Variants in FCER1G observed in about 807,000 individuals in gnomAD.
The protein encoded by FCER1G is Fc epsilon receptor Ig, also known as high affinity immunoglobulin epsilon receptor subunit gamma.
A neutral mutation model predicts 17.3 loss-of-function variants in FCER1G; 7 were observed. The ratio of observed to expected loss-of-function variants is 0.40; its 90% CI spans 0.23 to 0.76. The LOEUF (loss-of-function observed/expected upper bound fraction) is 0.76, where lower values mean the gene tolerates loss of function less well. Among genes scored for constraint, FCER1G ranks in the 30% least tolerant of loss-of-function variants. FCER1G has a pLI of 0.35. For synonymous variants in FCER1G, 35 were observed against 38.7 expected (o/e 0.90, Z 0.35); for missense variants, 87 against 97.7 (o/e 0.89, Z 0.46).
intron 1 of FCER1G, among the ~76,000 whole-genome samples, chr1:161,216,983 T>A (rs1666066262): frequency 6.6e-6 from 1 of 152,200 alleles, no homozygotes; most frequent in Non-Finnish European, 1.5e-5. Flanking sequence ...CTCTGTCACT[T>A]AACTCTGTGG....
intron 1 of FCER1G, among the ~76,000 whole-genome samples, chr1:161,217,097 C>T (rs1296615536): frequency 6.6e-6 from 1 of 152,174 alleles, no homozygotes; most frequent in South Asian, 2.1e-4. Flanking sequence ...TGTGCAATAT[C>T]GTGTGTGTGA....
intron 3 of FCER1G, 107 bp downstream of exon 3, chr1:161,218,383 T>C (rs879296967): frequency 1.2e-4 from 111 of 932,398 alleles, no homozygotes; most frequent in Non-Finnish European, 9.8e-5. Context: ...TCTCAGGTGC[T>C]GATCTGCATA....
chr1:161,217,951 A>C (rs1449930983), intron 1 of FCER1G, 35 bp from the exon 2 acceptor site: 23 of 1,426,358 alleles, frequency 1.6e-5, no homozygotes, highest in Admixed American at 3.4e-5. Context: ...CCTCCCTGAT[A>C]CCCCCGACCC....
chr1:161,219,156 C>G lies in FCER1G; in HGVS notation c.*213C>G. 3 of 571,808 alleles carry G rather than the reference C, an allele frequency of 5.2e-6. No homozygotes were observed. The South Asian group carries it at 6.6e-5, about 13-fold the overall frequency. The allele number at this position is 571,808 out of a possible 1,614,324, so 35.4% of individuals were successfully genotyped here. On this transcript the variant is annotated 3_prime_UTR_variant, in exon 5 of 5. Transcript: ENST00000289902. ...CGGATATTTATATTCTAGTCTCACT[C>G]TCTTGTCCCACCCTTCTTCTCTTCC...
Position 161,216,411 on chromosome 1 carries a change from C to CACAT in FCER1G, c.49+1042_49+1043insCATA, listed in dbSNP as rs1491150470. The stretch of plus-strand genomic sequence containing the variant: ...ACACACACACACACACACACACACA[C>CACAT]ATATATATATATATATAGAGAGAGA... On this transcript the variant is annotated intron_variant, in intron 1 of 4. Coordinates refer to ENST00000289902, the MANE Select transcript of FCER1G (RefSeq NM_004106.2). Among the ~76,000 whole-genome samples, 324 of 129,762 alleles carry CACAT rather than the reference C, an allele frequency of 2.5e-3. 1 individual carries two copies. Among genetic ancestry groups the CACAT allele is most frequent in the African/African-American group, 6.9e-3 (235 of 33,886 alleles). 85.1% of individuals were successfully genotyped at this position (129,762 alleles called of 152,430 possible).
rs1666038270 is a variant in FCER1G, at chr1:161,216,129, G to T, written c.49+759G>T. Among the ~76,000 whole-genome samples, 4 of 151,928 alleles carry T rather than the reference G, an allele frequency of 2.6e-5. No homozygotes were observed. In the South Asian group the frequency reaches 8.3e-4, roughly 32 times the overall value. Reference sequence around the variant, plus strand: ...GAGCATTTCCCATGGGGTGCCTTTGGTCTTGTCTGCTGGGAGCTGATCTCT... The same window carrying T: ...GAGCATTTCCCATGGGGTGCCTTTGTTCTTGTCTGCTGGGAGCTGATCTCT... On this transcript the variant is annotated intron_variant, in intron 1 of 4. Transcript: ENST00000289902.
Position 161,218,926 on chromosome 1 carries a change from G to A in FCER1G, c.244G>A (p.Glu82Lys). 3 of 1,613,664 alleles carry A rather than the reference G, an allele frequency of 1.9e-6. No homozygotes were observed. The highest frequency in any genetic ancestry group is 2.5e-6 in the Non-Finnish European group (3 of 1,179,572). ...GGAGACTTACGAGACTCTGAAGCAT[G>A]AGAAACCACCACAGTAGCTTTAGAA... ...NQETYETLKHEKPPQ is the reference protein window; with the variant it reads ...NQETYETLKHKKPPQ Residue 82 changes from glutamate (E) to lysine (K), a missense_variant, in exon 5 of 5, where the codon GAG becomes AAG. By Grantham distance (56) the Glu-to-Lys change is moderately conservative (BLOSUM62 1). Coordinates refer to ENST00000289902, the MANE Select transcript of FCER1G (RefSeq NM_004106.2).
intron 1 of FCER1G, among the ~76,000 whole-genome samples, chr1:161,216,278 C>T (rs1283679364): frequency 6.6e-6 from 1 of 150,736 alleles, no homozygotes; most frequent in Non-Finnish European, 1.5e-5. Context: ...CACCACTGCA[C>T]TCTAGCCTGG....
At position 161,219,150 on chromosome 1, in the gene FCER1G, C is replaced by A. The variant is rs560632071; in HGVS notation, c.*207C>A. On this transcript the variant is annotated 3_prime_UTR_variant, in exon 5 of 5. Coordinates refer to ENST00000289902, the MANE Select transcript of FCER1G (RefSeq NM_004106.2). ...TGTTTACGGATATTTATATTCTAGT[C>A]TCACTCTCTTGTCCCACCCTTCTTC... 2.6e-5 allele frequency: 15 copies of A among 579,820 alleles called. No homozygotes were observed. The highest frequency in any genetic ancestry group is 4.3e-5 in the Non-Finnish European group (14 of 326,172). The allele number at this position is 579,820 out of a possible 1,614,324, so 35.9% of individuals were successfully genotyped here.
chr1:161,218,658 G>A, intron 3 of FCER1G, 45 bp from the exon 4 acceptor site: 1 of 1,612,550 alleles, frequency 6.2e-7, no homozygotes, highest in Non-Finnish European at 8.5e-7. Context: ...AGGGGCCCTG[G>A]AGAAAGTGTG....
rs1553250803 is a variant in FCER1G at position 161,216,427 on chromosome 1, T to TATATAGAG, written c.49+1058_49+1059insTATAGAGA. Reference sequence around the variant, plus strand: ...ACACACACACATATATATATATATATAGAGAGAGAGAGAGAGAGAGAGATA... The same window carrying TATATAGAG: ...ACACACACACATATATATATATATATATATAGAGAGAGAGAGAGAGAGAGAGAGAGATA... On this transcript the variant is annotated intron_variant, in intron 1 of 4. Transcript: ENST00000289902. Among the ~76,000 whole-genome samples, 34 of 136,138 alleles carry TATATAGAG rather than the reference T, an allele frequency of 2.5e-4. No individual in the cohort carries two copies. The South Asian group carries it at 4.5e-3, about 18-fold the overall frequency. The allele number at this position is 136,138 out of a possible 152,430, so 89.3% of individuals were successfully genotyped here.
chr1:161,219,097 T>G lies in FCER1G; in HGVS notation c.*154T>G. 1.6e-6 allele frequency: 1 copy of G among 633,998 alleles called. No homozygotes were observed. The highest frequency in any genetic ancestry group is 2.9e-6 in the Non-Finnish European group (1 of 349,218). 39.3% of individuals were successfully genotyped at this position (633,998 alleles called of 1,614,324 possible). A position where few individuals can be genotyped will look rare whatever the true frequency, so the allele number is the denominator to read the frequency against. ...ATTAATATACACCAGTGGTTCCTCC[T>G]CCCTGTTAAAGACTAATGCTCAGAT... On this transcript the variant is annotated 3_prime_UTR_variant, in exon 5 of 5. Transcript: ENST00000289902.
intron 2 of FCER1G, 30 bp from the exon 3 acceptor site, chr1:161,218,211 C>A: frequency 6.2e-7 from 1 of 1,609,546 alleles, no homozygotes; most frequent in Non-Finnish European, 8.5e-7. Context: ...ATTAACTTAC[C>A]CTTTACTGAT....
Position 161,219,132 on chromosome 1 carries a change from G to A in FCER1G, c.*189G>A, listed in dbSNP as rs1214098771. ...AGACTAATGCTCAGATGCTGTTTACGGATATTTATATTCTAGTCTCACTCT... is the reference window on the plus strand; with the variant it reads ...AGACTAATGCTCAGATGCTGTTTACAGATATTTATATTCTAGTCTCACTCT... On this transcript the variant is annotated 3_prime_UTR_variant, in exon 5 of 5. Coordinates refer to ENST00000289902, the MANE Select transcript of FCER1G (RefSeq NM_004106.2). 1.2e-5 allele frequency: 7 copies of A among 594,082 alleles called. No homozygotes were observed. Among genetic ancestry groups the A allele is most frequent in the Admixed American group, 6.3e-5 (2 of 31,868 alleles). The allele number at this position is 594,082 out of a possible 1,614,324, so 36.8% of individuals were successfully genotyped here. A position where few individuals can be genotyped will look rare whatever the true frequency, so the allele number is the denominator to read the frequency against.
intron 1 of FCER1G, among the ~76,000 whole-genome samples, 159 bp from the exon 2 acceptor site, chr1:161,217,827 G>T (rs1295202009): frequency 3.9e-5 from 6 of 152,080 alleles, no homozygotes; most frequent in African/African-American, 7.2e-5. Flanking sequence ...AGGAGGGAAA[G>T]GTAAGGGCAG....
intron 1 of FCER1G, among the ~76,000 whole-genome samples, chr1:161,216,377 T>TACACACACACACAC (rs57711151): frequency 3.2e-3 from 387 of 120,488 alleles, no homozygotes; most frequent in Middle Eastern, 9.3e-3. Flanking sequence ...CACACACACA[T>TACACACACACACAC]ACACACACAC....
Position 161,218,266 on chromosome 1 carries a change from C to A in FCER1G, c.167C>A (p.Thr56Asn). ...ATCCAAGTGCGAAAGGCAGCTATAA[C>A]CAGCTATGAGGTATGGACCCTCCTA... ...LKIQVRKAAI[T>N]SYEKSDGVYT... The change falls in exon 3 of 5, where the codon ACC becomes AAC. Residue 56 changes from threonine (T) to asparagine (N), a missense_variant. Physicochemically the swap from Thr to Asn is moderately conservative, Grantham distance 65 (BLOSUM62 0). Coordinates refer to ENST00000289902, the MANE Select transcript of FCER1G (RefSeq NM_004106.2). The A allele has an allele frequency of 5.6e-6, 9 of 1,613,748 alleles. No individual in the cohort carries two copies. The highest frequency in any genetic ancestry group is 7.6e-6 in the Non-Finnish European group (9 of 1,179,652).
chr1:161,217,835 C>G, intron 1 of FCER1G, 151 bp from the exon 2 acceptor site: 1 of 665,818 alleles, frequency 1.5e-6, no homozygotes, highest in Non-Finnish European at 2.7e-6. Context: ...AAGGTAAGGG[C>G]AGTGGAAGGC....
chr1:161,215,437 G>A, intron 1 of FCER1G, 67 bp downstream of exon 1: 2 of 1,416,330 alleles, frequency 1.4e-6, no homozygotes, highest in South Asian at 2.3e-5. Context: ...TTGGGTCTGA[G>A]GGCCAAGTCA....
Sources: gnomAD v4.1 joint callset for allele counts (sites outside exome capture counted in the v4.1 genomes callset) on GRCh38, gnomAD v4.1.1 for gene constraint, MANE v1.5 for transcripts, NCBI Gene and HGNC (gene_info 2026-07-23, HGNC 2026-07-21) for gene names.